Variants in OGDH observed in about 807,000 individuals in gnomAD.
OGDH encodes the protein oxoglutarate dehydrogenase, also known as 2-oxoglutarate dehydrogenase complex component E1.
In OGDH, 38 loss-of-function variants were observed where a neutral mutation model predicts 116.6. The observed-to-expected ratio is 0.33, with a 90% CI of 0.25 to 0.43. OGDH has a LOEUF of 0.43. Among genes scored for constraint, OGDH ranks in the 20% least tolerant of loss-of-function variants. The pLI, the probability that OGDH is intolerant of heterozygous loss-of-function variation, is 1.00. For synonymous variants in OGDH, 488 were observed against 533.3 expected, an observed-to-expected ratio of 0.92 and a Z score of 1.17; for missense variants, 825 against 1,357.2, an observed-to-expected ratio of 0.61 and a Z score of 6.16.
At chr7:44,693,731 G>A (rs1482908840) in intron 10 of OGDH, 94 bp from the exon 11 acceptor site, 4 of 1,120,158 alleles carry the variant, frequency 3.6e-6, no homozygotes, top group Non-Finnish European at 5.0e-6. Flanking sequence ...TAGCCAGATG[G>A]CAAGTGCATG....
rs1208047171 is a variant in OGDH, at chr7:44,708,237, G to T, written c.*238G>T. The T allele has an allele frequency of 4.0e-6, 2 of 506,066 alleles. No homozygotes were observed. The highest frequency in any genetic ancestry group is 3.8e-5 in the Admixed American group (1 of 26,568). 31.3% of individuals were successfully genotyped at this position (506,066 alleles called of 1,614,324 possible). Reference sequence around the variant, plus strand: ...TCTGAGCAGTTTTCCAGGAGGCCGGGGGGAGCAGGAGGAGGAAAGGTAGCC... The same window carrying T: ...TCTGAGCAGTTTTCCAGGAGGCCGGTGGGAGCAGGAGGAGGAAAGGTAGCC... On this transcript the variant is annotated 3_prime_UTR_variant, in exon 23 of 23. Coordinates refer to ENST00000222673, the MANE Select transcript of OGDH (RefSeq NM_002541.4).
At chr7:44,613,474 C>T (rs901906181) in intron 1 of OGDH, among the ~76,000 whole-genome samples, 6 of 152,194 alleles carry the variant, frequency 3.9e-5, no homozygotes, top group Non-Finnish European at 7.3e-5. Context: ...CATTCTTCTG[C>T]TCAGTCTCCC....
At chr7:44,616,257 T>G (rs1784762475) in intron 1 of OGDH, among the ~76,000 whole-genome samples, 1 of 152,114 alleles carries the variant, frequency 6.6e-6, no homozygotes, top group African/African-American at 2.4e-5. Context: ...CAATACCTTT[T>G]AAAAGTGCCT....
At chr7:44,643,121 A>C (rs1210524171) in intron 2 of OGDH, among the ~76,000 whole-genome samples, 2 of 144,592 alleles carry the variant, frequency 1.4e-5, no homozygotes, top group African/African-American at 5.1e-5. Flanking sequence ...AAAAAAAGTC[A>C]TTTTTTAAGT....
chr7:44,637,818 CAAAAAAAA>C, intron 2 of OGDH, among the ~76,000 whole-genome samples: 1 of 117,944 alleles, frequency 8.5e-6, no homozygotes, highest in South Asian at 2.7e-4. Context: ...GACTCTGTCT[CAAAAAAAA>C]AAAAAAATGG....
chr7:44,655,796 C>A (rs1786665384), intron 4 of OGDH, among the ~76,000 whole-genome samples: 1 of 152,186 alleles, frequency 6.6e-6, no homozygotes, highest in South Asian at 2.1e-4. Flanking sequence ...CACTTCTTTC[C>A]TAGTTTGCCT....
intron 12 of OGDH, 123 bp from the exon 13 acceptor site, chr7:44,695,902 G>A: frequency 1.6e-6 from 1 of 641,268 alleles, no homozygotes; most frequent in East Asian, 2.7e-5. Flanking sequence ...GGCATGCACG[G>A]GAGTTGTGCC....
chr7:44,645,243 T>G lies in OGDH; in HGVS notation c.223-84T>G, dbSNP rs1786117881. 2.3e-6 allele frequency: 3 copies of G among 1,284,006 alleles called. No homozygotes were observed. In the South Asian group the frequency reaches 4.0e-5, roughly 17 times the overall value. The allele number at this position is 1,284,006 out of a possible 1,614,324, so 79.5% of individuals were successfully genotyped here. ...CAGCCTATGGTAGACTTGCCTTGCC[T>G]GCAGAGAGCAGTTCTCTGTGGCCAC... is the stretch of plus-strand genomic sequence containing the variant. On this transcript the variant is annotated intron_variant, in intron 2 of 22. Transcript: ENST00000222673.
intron 1 of OGDH, among the ~76,000 whole-genome samples, chr7:44,619,265 A>G (rs1784918770): frequency 6.6e-6 from 1 of 152,194 alleles, no homozygotes; most frequent in Non-Finnish European, 1.5e-5. Flanking sequence ...TCCAGTTTCT[A>G]GCTGGTTGGC....
At position 44,707,292 on chromosome 7, in the gene OGDH, G is replaced by C. The variant is rs141273143; in HGVS notation, c.2700G>C (p.Arg900Ser). The part of the protein sequence containing the change: ...PAAQNPENVK[R>S]LLFCTGKVYY... ...CTCAGAACCCAGAAAATGTCAAAAG[G>C]CTTCTCTTCTGCACCGGCAAAGTGT... The change falls in exon 21 of 23, where the codon AGG becomes AGC. Residue 900 changes from arginine (R) to serine (S), a missense_variant. Physicochemically the swap from Arg to Ser is moderately radical, Grantham distance 110 (BLOSUM62 -1). Around this residue, in one of 7 missense-constraint regions of OGDH, gnomAD observed 212 missense variants for 284.3 expected, o/e 0.75. Coordinates refer to ENST00000222673, the MANE Select transcript of OGDH (RefSeq NM_002541.4). This position sits in a 1 kb window ranked among gnomAD's most constrained non-coding sequence, Gnocchi z 5.2. 1 of 1,614,226 alleles carries C rather than the reference G, an allele frequency of 6.2e-7. No homozygotes were observed. Among genetic ancestry groups the C allele is most frequent in the Non-Finnish European group, 8.5e-7 (1 of 1,180,042 alleles).
chr7:44,660,718 CAGG>C (rs1786898843), intron 4 of OGDH, among the ~76,000 whole-genome samples: 1 of 152,098 alleles, frequency 6.6e-6, no homozygotes. Context: ...CACTTGAAGC[CAGG>C]AGTTTGTTGC....
chr7:44,630,889 A>T lies in OGDH; in HGVS notation c.222+6324A>T, dbSNP rs190122919. ...CCACCTCACATCAGGCATTAGTTAG[A>T]TTCTCATAAGGAGTGAACTTAGATC... is the stretch of plus-strand genomic sequence containing the variant. On this transcript the variant is annotated intron_variant, in intron 2 of 22. Coordinates refer to ENST00000222673, the MANE Select transcript of OGDH (RefSeq NM_002541.4). Among the ~76,000 whole-genome samples, 28 of 152,238 alleles carry T rather than the reference A, an allele frequency of 1.8e-4. No individual in the cohort carries two copies. In the East Asian group the frequency reaches 4.6e-3, roughly 25 times the overall value.
chr7:44,678,931 T>G (rs924133788), intron 9 of OGDH, among the ~76,000 whole-genome samples: 4 of 152,240 alleles, frequency 2.6e-5, no homozygotes, highest in Non-Finnish European at 5.9e-5. Context: ...GAAACAGACC[T>G]GATTTGGCTC....
intron 4 of OGDH, among the ~76,000 whole-genome samples, chr7:44,660,200 C>T (rs1282741160): frequency 6.6e-6 from 1 of 152,176 alleles, no homozygotes; most frequent in African/African-American, 2.4e-5. Context: ...TCACAGCTCA[C>T]TGCAGCCTCT....
At chr7:44,657,511 C>T (rs1234798592) in intron 4 of OGDH, among the ~76,000 whole-genome samples, 1 of 152,144 alleles carries the variant, frequency 6.6e-6, no homozygotes. Flanking sequence ...GTTGAAGGAC[C>T]TCTTCATTGG....
At chr7:44,624,592 C>A in intron 2 of OGDH, 27 bp downstream of exon 2, 1 of 1,596,638 alleles carries the variant, frequency 6.3e-7, no homozygotes. Flanking sequence ...TGTGGGTCTG[C>A]CTCATGTTGG....
At chr7:44,639,219 G>A (rs971290841) in intron 2 of OGDH, among the ~76,000 whole-genome samples, 1 of 152,172 alleles carries the variant, frequency 6.6e-6, no homozygotes, top group African/African-American at 2.4e-5. Context: ...GGCAGGGGTG[G>A]GTAGTTTAAG....
intron 2 of OGDH, among the ~76,000 whole-genome samples, chr7:44,642,252 C>CA (rs1262397468): frequency 1.3e-5 from 2 of 152,052 alleles, no homozygotes; most frequent in East Asian, 3.9e-4. Context: ...CTCATCTCCA[C>CA]AAAAAAATAT....
chr7:44,608,417 G>A (rs371257061), intron 1 of OGDH, among the ~76,000 whole-genome samples: 1 of 140,594 alleles, frequency 7.1e-6, no homozygotes, highest in African/African-American at 2.5e-5. Flanking sequence ...CAAAAAAAAA[G>A]GCCGGGCGCA....
Sources: gnomAD v4.1 joint callset for allele counts (sites outside exome capture counted in the v4.1 genomes callset) on GRCh38, gnomAD v4.1.1 for gene constraint, gnomAD v4.1.1 regional missense constraint, Gnocchi (gnomAD v3.1) non-coding constraint, MANE v1.5 for transcripts, NCBI Gene and HGNC (gene_info 2026-07-23, HGNC 2026-07-21) for gene names.